ZNF385C: variants seen among roughly 807,000 people sequenced by gnomAD.
ZNF385C encodes the protein CTD-2132N18.2.
A neutral mutation model predicts 35.4 loss-of-function variants in ZNF385C; 28 were observed. The observed-to-expected ratio is 0.79, with a 90% confidence interval of 0.59 to 1.08. ZNF385C has a LOEUF of 1.08. Among genes scored for constraint, ZNF385C ranks in the 50% least tolerant of loss-of-function variants. The probability of loss-of-function intolerance (pLI) is 0.00; values close to 1 mark genes in which losing one functional copy is unlikely to be tolerated. For synonymous variants in ZNF385C, 248 were observed against 248.2 expected (o/e 1.00, Z 0.01); for missense variants, 605 against 595.6 (o/e 1.02, Z -0.16).
intron 1 of ZNF385C, among the ~76,000 whole-genome samples, chr17:42,093,705 C>T (rs1018239664): frequency 2.0e-5 from 3 of 151,728 alleles, no homozygotes; most frequent in South Asian, 2.1e-4. Flanking sequence ...TTCAGTCTCC[C>T]GAGTACCTGG....
At chr17:42,047,942 C>G (rs1281470927) in intron 2 of ZNF385C, among the ~76,000 whole-genome samples, 3 of 152,088 alleles carry the variant, frequency 2.0e-5, no homozygotes, top group Non-Finnish European at 4.4e-5. Flanking sequence ...TGTGAGCCAC[C>G]GTGCCTGGCC....
intron 2 of ZNF385C, among the ~76,000 whole-genome samples, chr17:42,041,946 C>G (rs2143660602): frequency 6.6e-6 from 1 of 152,310 alleles, no homozygotes; most frequent in Admixed American, 6.5e-5. Flanking sequence ...GCATGGGGAC[C>G]TTGCTTTTCA....
intron 2 of ZNF385C, chr17:42,040,066 C>G: frequency 1.6e-6 from 2 of 1,231,198 alleles, no homozygotes; most frequent in Non-Finnish European, 2.0e-6. Flanking sequence ...GCCCAGCGCC[C>G]GCTGGCGCAC....
intron 1 of ZNF385C, among the ~76,000 whole-genome samples, chr17:42,064,106 A>AAGTGGCCCCTCCAGGCCCCCATCTCC (rs1555658285): frequency 6.7e-6 from 1 of 149,086 alleles, no homozygotes; most frequent in African/African-American, 2.5e-5. Context: ...ACACACACAC[A>AAGTGGCCCCTCCAGGCCCCCATCTCC]CACACACACA....
chr17:42,086,701 C>G (rs868907593), intron 1 of ZNF385C, among the ~76,000 whole-genome samples: 1 of 66,844 alleles, frequency 1.5e-5, no homozygotes, highest in Non-Finnish European at 3.1e-5. Context: ...GATTCCATCT[C>G]AAAAAAAAAA....
At chr17:42,036,772 A>C (rs1206171420) in intron 3 of ZNF385C, among the ~76,000 whole-genome samples, 1 of 152,062 alleles carries the variant, frequency 6.6e-6, no homozygotes. Flanking sequence ...AGCAAGCGAC[A>C]GCAAGGACTC....
At position 42,095,275 on chromosome 17, in the gene ZNF385C, C is replaced by A. The variant is rs782444049; in HGVS notation, c.-3+3135G>T. On this transcript the variant is annotated intron_variant, in intron 1 of 8. Coordinates refer to ENST00000692273, the MANE Select transcript of ZNF385C (RefSeq NM_001392013.1). This position sits in a 1 kb window ranked among gnomAD's most constrained non-coding sequence, Gnocchi z 4.4. Reference sequence around the variant, plus strand: ...ACAGGGCACTTGACTACAGTCAACACCAGCGTACCATTCATTCCCGCTGGG... The same window carrying A: ...ACAGGGCACTTGACTACAGTCAACAACAGCGTACCATTCATTCCCGCTGGG... 9.2e-5 allele frequency among the ~76,000 whole-genome samples: 14 copies of A among 152,194 alleles called. No homozygotes were observed. The highest frequency in any genetic ancestry group is 1.8e-4 in the Non-Finnish European group (12 of 68,018).
intron 3 of ZNF385C, among the ~76,000 whole-genome samples, chr17:42,035,989 TTTTTC>T (rs1305455173): frequency 1.8e-4 from 28 of 151,862 alleles, no homozygotes; most frequent in African/African-American, 6.5e-4. Context: ...ATTTGGATTT[TTTTTC>T]TTTTCCTTAT....
chr17:42,043,348 C>T (rs901684756), intron 2 of ZNF385C: 34 of 1,232,130 alleles, frequency 2.8e-5, no homozygotes, highest in Middle Eastern at 3.1e-4. Context: ...GGAGGCCTCT[C>T]CCGCTGGTTT....
At chr17:42,072,752 G>A (rs1235890797) in intron 1 of ZNF385C, among the ~76,000 whole-genome samples, 2 of 152,162 alleles carry the variant, frequency 1.3e-5, no homozygotes, top group African/African-American at 2.4e-5. Flanking sequence ...CAGCCTTGGC[G>A]GGAGAGGGGC....
chr17:42,030,299 C>T (rs1472047441), intron 5 of ZNF385C, among the ~76,000 whole-genome samples: 1 of 152,038 alleles, frequency 6.6e-6, no homozygotes, highest in Non-Finnish European at 1.5e-5. Flanking sequence ...ACCAGCCTGG[C>T]CAATATGGTG....
At position 42,081,579 on chromosome 17, in the gene ZNF385C, G is replaced by A. The variant is rs150609610; in HGVS notation, c.-3+16831C>T. ...TAAAGTAGAGTCGGGGTTTCACCAC[G>A]TTGACCAGGCTGGTCTCGAACTCCT... On this transcript the variant is annotated intron_variant, in intron 1 of 8. Transcript: ENST00000692273. Among the ~76,000 whole-genome samples, 321 of 152,126 alleles carry A rather than the reference G, an allele frequency of 2.1e-3. 2 individuals are homozygous for A. Among genetic ancestry groups the A allele is most frequent in the African/African-American group, 7.5e-3 (312 of 41,480 alleles).
At chr17:42,059,547 G>A (rs1262638899) in intron 2 of ZNF385C, among the ~76,000 whole-genome samples, 6 of 152,210 alleles carry the variant, frequency 3.9e-5, no homozygotes, top group Non-Finnish European at 5.9e-5. Flanking sequence ...CAGGTAGAGG[G>A]GGAGTCCGCA....
chr17:42,035,118 CAA>C (rs1239388932), intron 3 of ZNF385C, among the ~76,000 whole-genome samples: 24 of 81,502 alleles, frequency 2.9e-4, no homozygotes, highest in African/African-American at 1.2e-3. Flanking sequence ...GACTCTGTCT[CAA>C]AAAAAAAAAA....
At position 42,095,339 on chromosome 17, in the gene ZNF385C, C is replaced by G. The variant is rs1407939920; in HGVS notation, c.-3+3071G>C. Among the ~76,000 whole-genome samples, 2 of 152,194 alleles carry G rather than the reference C, an allele frequency of 1.3e-5. No individual in the cohort carries two copies. Among genetic ancestry groups the G allele is most frequent in the African/African-American group, 4.8e-5 (2 of 41,438 alleles). On this transcript the variant is annotated intron_variant, in intron 1 of 8. Coordinates refer to ENST00000692273, the MANE Select transcript of ZNF385C (RefSeq NM_001392013.1). The surrounding 1 kb of genome is among the most constrained non-coding windows in gnomAD (Gnocchi z 4.4). ...GCCTGGCCAGCTGACCCCACAGTCT[C>G]CCCTGTCCCAAGCCCAAACTCCAAA...
At chr17:42,043,122 G>T in intron 2 of ZNF385C, 1 of 1,232,274 alleles carries the variant, frequency 8.1e-7, no homozygotes, top group Non-Finnish European at 1.0e-6. Flanking sequence ...GAGCCTGGCG[G>T]TGGGCTCCTG....
chr17:42,045,406 T>G (rs2143700885), intron 2 of ZNF385C, among the ~76,000 whole-genome samples: 1 of 152,376 alleles, frequency 6.6e-6, no homozygotes, highest in Middle Eastern at 3.4e-3. Flanking sequence ...CATGCCTAAA[T>G]GTAACTACCA....
chr17:42,085,011 T>C lies in ZNF385C; in HGVS notation c.-3+13399A>G, dbSNP rs531530899. On this transcript the variant is annotated intron_variant, in intron 1 of 8. Transcript: ENST00000692273. Reference sequence around the variant, plus strand: ...AAAGACTACTTAAAATGTATAAAGATCTGGGCTGGGTGCGGTGGCTCATGC... The same window carrying C: ...AAAGACTACTTAAAATGTATAAAGACCTGGGCTGGGTGCGGTGGCTCATGC... Among the ~76,000 whole-genome samples, 337 of 152,258 alleles carry C rather than the reference T, an allele frequency of 2.2e-3. 1 individual carries two copies. The highest frequency in any genetic ancestry group is 7.8e-3 in the African/African-American group (326 of 41,540).
chr17:42,039,793 G>A (rs1010604350), intron 2 of ZNF385C: 2 of 1,232,234 alleles, frequency 1.6e-6, no homozygotes, highest in Non-Finnish European at 1.0e-6. Flanking sequence ...GTGCAGCGGG[G>A]GCCCATCCAC....
Sources: gnomAD v4.1 joint callset for allele counts (sites outside exome capture counted in the v4.1 genomes callset) on GRCh38, gnomAD v4.1.1 for gene constraint, Gnocchi (gnomAD v3.1) non-coding constraint, MANE v1.5 for transcripts, NCBI Gene and HGNC (gene_info 2026-07-23, HGNC 2026-07-21) for gene names.